The following ANAPC10 variants were observed in gnomAD, a reference collection of about 807,000 sequenced individuals.
ANAPC10 encodes anaphase-promoting complex subunit 10.
ANAPC10 carries 12 observed loss-of-function variants against 22.0 expected under a neutral mutation model. The ratio of observed to expected loss-of-function variants is 0.55; its 90% CI spans 0.35 to 0.88. The LOEUF is 0.88. Among genes scored for constraint, ANAPC10 ranks in the 40% least tolerant of loss-of-function variants. The probability of loss-of-function intolerance (pLI) is 0.01; values close to 1 mark genes in which losing one functional copy is unlikely to be tolerated. For synonymous variants in ANAPC10, 65 were observed against 69.5 expected (o/e 0.94, Z 0.32); for missense variants, 188 against 220.9 (o/e 0.85, Z 0.94).
In ANAPC10 at chr4:145,046,437, A is replaced by C. The variant is rs187611408; in HGVS notation, c.327+18135T>G. On this transcript the variant is annotated intron_variant, in intron 4 of 4. Transcript: ENST00000507656. ...ATAACAAAATAAATTCCATAAGCAC[A>C]AACAATTTCAAGAACAGAGAACAAA... 2.6e-5 allele frequency among the ~76,000 whole-genome samples: 4 copies of C among 152,268 alleles called. No individual in the cohort carries two copies. In the East Asian group the frequency reaches 7.7e-4, roughly 29 times the overall value.
chr4:145,024,698 T>C (rs370253194), intron 4 of ANAPC10, among the ~76,000 whole-genome samples: 66 of 152,266 alleles, frequency 4.3e-4, no homozygotes, highest in African/African-American at 1.5e-3. Context: ...TTATAGCACA[T>C]GAGTAGAACA....
intron 4 of ANAPC10, among the ~76,000 whole-genome samples, chr4:145,040,888 G>T (rs1375568307): frequency 1.3e-5 from 2 of 152,042 alleles, no homozygotes; most frequent in Admixed American, 1.3e-4. Context: ...AATTCAACTG[G>T]GTGAAAGTCT....
chr4:145,049,114 T>C (rs1298331192), intron 4 of ANAPC10, among the ~76,000 whole-genome samples: 1 of 152,184 alleles, frequency 6.6e-6, no homozygotes, highest in Non-Finnish European at 1.5e-5. Context: ...AATGTACATA[T>C]CCTCACAAAA....
chr4:145,002,981 C>T (rs1484261038), intron 4 of ANAPC10, among the ~76,000 whole-genome samples: 1 of 152,060 alleles, frequency 6.6e-6, no homozygotes, highest in African/African-American at 2.4e-5. Context: ...AGGCATAATA[C>T]CCGATAGGTA....
At chr4:145,005,438 G>C (rs1006298714) in intron 4 of ANAPC10, among the ~76,000 whole-genome samples, 8 of 151,102 alleles carry the variant, frequency 5.3e-5, no homozygotes, top group Non-Finnish European at 1.2e-4. Flanking sequence ...CCTTTGTATG[G>C]TTTTTCATGT....
At chr4:145,067,218 T>C (rs373301066) in intron 3 of ANAPC10, among the ~76,000 whole-genome samples, 3 of 152,136 alleles carry the variant, frequency 2.0e-5, no homozygotes, top group South Asian at 2.1e-4. Context: ...GCAATGCATG[T>C]CATAAGATTA....
chr4:145,078,563 C>A (rs1465227087), intron 3 of ANAPC10, among the ~76,000 whole-genome samples: 1 of 152,078 alleles, frequency 6.6e-6, no homozygotes, highest in Non-Finnish European at 1.5e-5. Context: ...GCCTCAATAG[C>A]CAAAGCAATA....
At chr4:145,087,175 G>A (rs1355564530) in intron 2 of ANAPC10, among the ~76,000 whole-genome samples, 1 of 152,076 alleles carries the variant, frequency 6.6e-6, no homozygotes, top group East Asian at 1.9e-4. Context: ...AAATTTGGCT[G>A]ATCATGCCAC....
Position 145,041,977 on chromosome 4 carries a change from T to C in ANAPC10, c.327+22595A>G, listed in dbSNP as rs1033468043. Reference sequence around the variant, plus strand: ...ATTTATTCCTTTATTAACTTCTATATAGAAAGTTAAAAACAAAAAATGTTG... The same window carrying C: ...ATTTATTCCTTTATTAACTTCTATACAGAAAGTTAAAAACAAAAAATGTTG... On this transcript the variant is annotated intron_variant, in intron 4 of 4. Coordinates refer to ENST00000507656, the MANE Select transcript of ANAPC10 (RefSeq NM_001256706.2). 5.3e-5 allele frequency among the ~76,000 whole-genome samples: 8 copies of C among 152,300 alleles called. No individual in the cohort carries two copies. In the South Asian group the frequency reaches 6.2e-4, roughly 12 times the overall value.
chr4:145,046,171 A>T (rs1740269706), intron 4 of ANAPC10, among the ~76,000 whole-genome samples: 1 of 152,078 alleles, frequency 6.6e-6, no homozygotes, highest in African/African-American at 2.4e-5. Flanking sequence ...AGTCTGCAAA[A>T]ATATTTGTGC....
At chr4:145,010,159 A>G (rs1362344590) in intron 4 of ANAPC10, among the ~76,000 whole-genome samples, 1 of 152,192 alleles carries the variant, frequency 6.6e-6, no homozygotes, top group Non-Finnish European at 1.5e-5. Context: ...CGATCATTAA[A>G]AAGTCAGGAA....
At chr4:144,999,100 G>A (rs1382216908) in intron 4 of ANAPC10, among the ~76,000 whole-genome samples, 2 of 152,104 alleles carry the variant, frequency 1.3e-5, no homozygotes, top group African/African-American at 4.8e-5. Flanking sequence ...CCAATAACAG[G>A]CTCTGAAATT....
chr4:145,007,188 A>C (rs994126322), intron 4 of ANAPC10, among the ~76,000 whole-genome samples: 4 of 152,066 alleles, frequency 2.6e-5, no homozygotes, highest in African/African-American at 9.7e-5. Context: ...CACAATAATA[A>C]TGGGAGACTT....
intron 4 of ANAPC10, among the ~76,000 whole-genome samples, chr4:145,032,339 T>G (rs1348953562): frequency 6.6e-6 from 1 of 152,222 alleles, no homozygotes; most frequent in Non-Finnish European, 1.5e-5. Flanking sequence ...AATTATACAC[T>G]GATTCATGGG....
At chr4:145,057,685 G>A (rs969674323) in intron 4 of ANAPC10, among the ~76,000 whole-genome samples, 8 of 152,090 alleles carry the variant, frequency 5.3e-5, no homozygotes, top group African/African-American at 1.9e-4. Context: ...CCAGATATCA[G>A]TGACCAAAAT....
chr4:145,037,031 T>C (rs1578991319), intron 4 of ANAPC10, among the ~76,000 whole-genome samples: 1 of 140,424 alleles, frequency 7.1e-6, no homozygotes, highest in African/African-American at 2.9e-5. Context: ...TGTGTGTGTG[T>C]GTGTGTGTAT....
intron 4 of ANAPC10, among the ~76,000 whole-genome samples, chr4:145,054,648 CGCGCGCGT>C (rs1560884633): frequency 6.3e-5 from 9 of 143,160 alleles, no homozygotes; most frequent in Admixed American, 6.8e-5. Context: ...TGTGCGCGCG[CGCGCGCGT>C]GCGTGCAGCG....
At chr4:145,056,271 G>A (rs1178246913) in intron 4 of ANAPC10, among the ~76,000 whole-genome samples, 1 of 152,176 alleles carries the variant, frequency 6.6e-6, no homozygotes, top group Non-Finnish European at 1.5e-5. Context: ...GTGACCTCTG[G>A]TAGTCCTCAC....
intron 2 of ANAPC10, 82 bp downstream of exon 2, chr4:145,095,903 T>G: frequency 6.3e-7 from 1 of 1,584,624 alleles, no homozygotes; most frequent in South Asian, 1.1e-5. Flanking sequence ...CTGGAATGTA[T>G]CCCCTGGGAT....
Sources: gnomAD v4.1 joint callset for allele counts (sites outside exome capture counted in the v4.1 genomes callset) on GRCh38, gnomAD v4.1.1 for gene constraint, MANE v1.5 for transcripts, NCBI Gene and HGNC (gene_info 2026-07-23, HGNC 2026-07-21) for gene names.